HNF4A: variants seen among roughly 807,000 people sequenced by gnomAD.
HNF4A encodes the protein hepatocyte nuclear factor 4 alpha, also known as hepatocyte nuclear factor 4-alpha.
HNF4A carries 15 observed loss-of-function variants against 52.4 expected under a neutral mutation model. The ratio of observed to expected loss-of-function variants is 0.29; its 90% confidence interval spans 0.19 to 0.44. The LOEUF is 0.44. Among genes scored for constraint, HNF4A ranks in the 20% least tolerant of loss-of-function variants. The pLI is 1.00. For missense variants in HNF4A, 479 were observed against 647.2 expected (o/e 0.74, Z 2.82); for synonymous variants, 280 against 264.4 (o/e 1.06, Z -0.57).
At chr20:44,380,430 G>C (rs1434014410) in intron 1 of HNF4A, among the ~76,000 whole-genome samples, 1 of 151,964 alleles carries the variant, frequency 6.6e-6, no homozygotes, top group Non-Finnish European at 1.5e-5. Context: ...AAGTAAGCTG[G>C]GACTACAGGT....
At chr20:44,401,631 C>T in intron 1 of HNF4A, 2 of 1,052,332 alleles carry the variant, frequency 1.9e-6, no homozygotes, top group East Asian at 5.2e-5. Context: ...ACAGGTGTTG[C>T]CAAGTGAAGC....
In HNF4A at chr20:44,407,446, A is replaced by G; in HGVS notation, c.356A>G (p.Lys119Arg). The G allele has an allele frequency of 6.2e-7, 1 of 1,607,746 alleles. No individual in the cohort carries two copies. Among genetic ancestry groups the G allele is most frequent in the Admixed American group, 1.7e-5 (1 of 59,538 alleles). Residue 119 changes from lysine to arginine, a missense_variant, in exon 3 of 10, where the codon AAA becomes AGA. By Grantham distance (26) the Lys-to-Arg change is conservative. Coordinates refer to ENST00000316099, the MANE Select transcript of HNF4A (RefSeq NM_000457.6). ...CAGTGCCGCTACTGCAGGCTCAAGA[A>G]ATGCTTCCGGGCTGGCATGAAGAAG...
At chr20:44,394,343 C>A (rs1390404965) in intron 1 of HNF4A, among the ~76,000 whole-genome samples, 1 of 152,290 alleles carries the variant, frequency 6.6e-6, no homozygotes, top group East Asian at 1.9e-4. Flanking sequence ...CTCCATCTCC[C>A]CATCTGTGCA....
At chr20:44,421,877 T>A (rs902576377) in intron 7 of HNF4A, among the ~76,000 whole-genome samples, 4 of 147,206 alleles carry the variant, frequency 2.7e-5, no homozygotes, top group African/African-American at 7.4e-5. Flanking sequence ...GATATATATT[T>A]TATATATATA....
At chr20:44,375,167 C>T (rs1442021133) in intron 1 of HNF4A, among the ~76,000 whole-genome samples, 4 of 151,542 alleles carry the variant, frequency 2.6e-5, no homozygotes, top group Non-Finnish European at 1.5e-5. Context: ...CTTTGTTGGC[C>T]GCTTGTACAT....
At chr20:44,408,001 A>G (rs1298579237) in intron 3 of HNF4A, 3 of 224,636 alleles carry the variant, frequency 1.3e-5, no homozygotes, top group Admixed American at 1.0e-4. Flanking sequence ...AAATGGGAAC[A>G]AGACCCCAGA....
Position 44,414,679 on chromosome 20 carries a change from A to G in HNF4A, c.648+17A>G, listed in dbSNP as rs1311525660. On this transcript the variant is annotated intron_variant, in intron 5 of 9. Coordinates refer to ENST00000316099, the MANE Select transcript of HNF4A (RefSeq NM_000457.6). ...GACGACCAGGTGAGGATGGGCGTGG[A>G]TGGTGGGCAGTAGTGGGCAGTGGGC... 6.3e-7 allele frequency: 1 copy of G among 1,589,496 alleles called. No individual in the cohort carries two copies. Among genetic ancestry groups the G allele is most frequent in the Non-Finnish European group, 8.6e-7 (1 of 1,167,406 alleles).
chr20:44,408,369 C>A (rs1222441192), intron 3 of HNF4A, among the ~76,000 whole-genome samples: 2 of 152,112 alleles, frequency 1.3e-5, no homozygotes, highest in African/African-American at 4.8e-5. Context: ...TCTCCAGATA[C>A]CAGGGACATT....
chr20:44,429,206 G>T (rs541739735), intron 9 of HNF4A, among the ~76,000 whole-genome samples: 1 of 152,142 alleles, frequency 6.6e-6, no homozygotes, highest in Admixed American at 6.5e-5. Flanking sequence ...TCCCATTGCC[G>T]CTGGGGACAG....
chr20:44,407,757 T>TTGTA (rs2063522751), intron 3 of HNF4A, among the ~76,000 whole-genome samples: 1 of 145,846 alleles, frequency 6.9e-6, no homozygotes, highest in African/African-American at 2.6e-5. Flanking sequence ...AGCAGCCACG[T>TTGTA]TGTGTGTGTG....
At chr20:44,364,105 T>C (rs2062945990) in intron 1 of HNF4A, among the ~76,000 whole-genome samples, 1 of 152,150 alleles carries the variant, frequency 6.6e-6, no homozygotes, top group South Asian at 2.1e-4. Context: ...CCTTTGAGGG[T>C]AATGTGGGTA....
chr20:44,412,247 G>C (rs1479464217), intron 3 of HNF4A, among the ~76,000 whole-genome samples: 1 of 152,112 alleles, frequency 6.6e-6, no homozygotes, highest in Non-Finnish European at 1.5e-5. Flanking sequence ...GATAGTAAAG[G>C]AAGTAACAAA....
intron 4 of HNF4A, among the ~76,000 whole-genome samples, chr20:44,414,208 G>A (rs1048193866): frequency 1.3e-5 from 2 of 152,206 alleles, no homozygotes; most frequent in Non-Finnish European, 2.9e-5. Context: ...TGTCAGAAAA[G>A]GATGATGATT....
intron 3 of HNF4A, among the ~76,000 whole-genome samples, chr20:44,409,518 G>C (rs997733268): frequency 6.6e-6 from 1 of 152,136 alleles, no homozygotes; most frequent in South Asian, 2.1e-4. Context: ...CTCTCACAGT[G>C]AAAGTTCAGG....
At chr20:44,406,032 C>G (rs751623017) in intron 1 of HNF4A, 26 bp from the exon 2 acceptor site, 4 of 1,607,906 alleles carry the variant, frequency 2.5e-6, no homozygotes, top group Non-Finnish European at 3.4e-6. Context: ...CTTCCTGAAG[C>G]CTCACTCCCT....
intron 1 of HNF4A, among the ~76,000 whole-genome samples, chr20:44,393,715 A>G (rs910207210): frequency 6.6e-6 from 1 of 152,076 alleles, no homozygotes; most frequent in East Asian, 1.9e-4. Context: ...ATGATGATCA[A>G]TGTGTATATT....
At chr20:44,423,095 T>A (rs1216495018) in intron 7 of HNF4A, among the ~76,000 whole-genome samples, 1 of 152,136 alleles carries the variant, frequency 6.6e-6, no homozygotes, top group Non-Finnish European at 1.5e-5. Flanking sequence ...GGCAGGCAGA[T>A]TACTTGAGGT....
chr20:44,410,638 T>C (rs2063568382), intron 3 of HNF4A, among the ~76,000 whole-genome samples: 1 of 152,054 alleles, frequency 6.6e-6, no homozygotes, highest in Admixed American at 6.6e-5. Flanking sequence ...AAATAGTCCC[T>C]GAGAACCAGA....
chr20:44,421,812 AGTGATATATATAG>A (rs2063749797), intron 7 of HNF4A, among the ~76,000 whole-genome samples: 2 of 147,030 alleles, frequency 1.4e-5, no homozygotes, highest in Non-Finnish European at 3.0e-5. Context: ...TATAATATAT[AGTGATATATATAG>A]TATATAGTGA....
Sources: gnomAD v4.1 joint callset for allele counts (sites outside exome capture counted in the v4.1 genomes callset) on GRCh38, gnomAD v4.1.1 for gene constraint, MANE v1.5 for transcripts, NCBI Gene and HGNC (gene_info 2026-07-23, HGNC 2026-07-21) for gene names.